Variants in USP50 observed in about 807,000 individuals in gnomAD.
USP50 encodes the protein ubiquitin specific peptidase 50, also known as ubiquitin carboxyl-terminal hydrolase 50.
In USP50, 37 loss-of-function variants were observed where a neutral mutation model predicts 39.2. The ratio of observed to expected loss-of-function variants is 0.94; its 90% confidence interval spans 0.73 to 1.24. The LOEUF (loss-of-function observed/expected upper bound fraction) is 1.24, where lower values mean the gene tolerates loss of function less well. Ranked by LOEUF, USP50 falls within the 50% of genes most tolerant of loss-of-function variation. The pLI is 0.00. For synonymous variants in USP50, 139 were observed against 144.5 expected (o/e 0.96, Z 0.27); for missense variants, 374 against 398.2 (o/e 0.94, Z 0.52).
chr15:50,509,720 T>G (rs2141350371), intron 6 of USP50: 1 of 152,124 alleles, frequency 6.6e-6, no homozygotes, highest in East Asian at 1.9e-4. Flanking sequence ...AAAAAACATG[T>G]AATAGCTACA....
intron 4 of USP50, among the ~76,000 whole-genome samples, chr15:50,540,440 T>G (rs1329834281): frequency 6.6e-6 from 1 of 152,214 alleles, no homozygotes; most frequent in Non-Finnish European, 1.5e-5. Context: ...TGCAAGAAAT[T>G]ATAAATTTCT....
Position 50,533,978 on chromosome 15 carries a change from C to T in USP50, c.804-4049G>A, listed in dbSNP as rs948949975. On this transcript the variant is annotated intron_variant, in intron 5 of 6. Coordinates refer to ENST00000532404, the MANE Select transcript of USP50 (RefSeq NM_203494.5). The stretch of plus-strand genomic sequence containing the variant: ...TCATGCCACTGCCCTCCAGGCTGGG[C>T]AACAGAGTGAGACTCCATCTCAAAA... Among the ~76,000 whole-genome samples the T allele has an allele frequency of 2.0e-5, 3 of 151,732 alleles. 1 individual carries two copies. The East Asian group carries it at 5.8e-4, about 29-fold the overall frequency.
At chr15:50,496,966 A>G, downstream of USP50, 1 of 1,264,690 alleles carries the variant, frequency 7.9e-7, no homozygotes, top group Non-Finnish European at 1.1e-6. Context: ...GAAGGCAGGA[A>G]CTCTTTTGTG....
intron 5 of USP50, among the ~76,000 whole-genome samples, chr15:50,538,504 G>A (rs1197297445): frequency 6.6e-6 from 1 of 151,998 alleles, no homozygotes; most frequent in African/African-American, 2.4e-5. Flanking sequence ...AATAATTAAT[G>A]TCAATGAATT....
At chr15:50,537,690 C>T (rs1038253688) in intron 5 of USP50, among the ~76,000 whole-genome samples, 1 of 150,198 alleles carries the variant, frequency 6.7e-6, no homozygotes, top group Non-Finnish European at 1.5e-5. Context: ...GAAAACCTGT[C>T]TCTACCAAAA....
chr15:50,538,827 G>A lies in USP50; in HGVS notation c.685C>T (p.Gln229Ter), dbSNP rs369191896. 5.6e-6 allele frequency: 9 copies of A among 1,608,750 alleles called. No individual in the cohort carries two copies. Among genetic ancestry groups the A allele is most frequent in the African/African-American group, 2.7e-5 (2 of 74,574 alleles). The change falls in exon 5 of 7, where the codon CAA (glutamine) becomes TAA (stop). Residue 229 changes from glutamine to a stop codon, truncating the protein, a stop_gained. Transcript: ENST00000532404. LOFTEE classifies it high-confidence loss of function. Reference protein sequence around the residue: ...LRDCLQCFFQQDALTWNNEIH... With the variant: ...LRDCLQCFFQ ...TCGTTGTTCCAGGTCAGTGCGTCTT[G>A]TTGAAAAAAACATTGGAGACAGTCC...
intron 6 of USP50, among the ~76,000 whole-genome samples, chr15:50,527,264 GCA>G (rs2052905606): frequency 6.6e-6 from 1 of 152,160 alleles, no homozygotes; most frequent in Non-Finnish European, 1.5e-5. Flanking sequence ...GAGTGCAGTG[GCA>G]CGATCTCAGC....
chr15:50,535,895 C>T (rs1211094076), intron 5 of USP50, among the ~76,000 whole-genome samples: 1 of 152,126 alleles, frequency 6.6e-6, no homozygotes, highest in Non-Finnish European at 1.5e-5. Context: ...ACAATCAAAT[C>T]AACAGACACA....
intron 1 of USP50, chr15:50,494,317 T>C: frequency 1.3e-6 from 2 of 1,553,244 alleles, no homozygotes; most frequent in African/African-American, 2.8e-5. Flanking sequence ...CAGAGACTCT[T>C]TAGGGTTGCT....
chr15:50,533,024 C>T (rs1227651058), intron 5 of USP50, among the ~76,000 whole-genome samples: 4 of 151,936 alleles, frequency 2.6e-5, no homozygotes, highest in East Asian at 1.9e-4. Context: ...AAAGACTGGC[C>T]GGTCAGGCGC....
intron 5 of USP50, among the ~76,000 whole-genome samples, chr15:50,537,537 A>G (rs2052989142): frequency 6.6e-6 from 1 of 151,650 alleles, no homozygotes; most frequent in African/African-American, 2.4e-5. Context: ...AAAAAGACAC[A>G]TCTGGTAAAG....
intron 3 of USP50, among the ~76,000 whole-genome samples, chr15:50,542,133 C>T (rs2053034623): frequency 6.6e-6 from 1 of 151,938 alleles, no homozygotes; most frequent in Non-Finnish European, 1.5e-5. Flanking sequence ...TTGGATCCAG[C>T]TCATACTCAG....
chr15:50,500,003 G>A (rs2052552289), downstream of USP50: 2 of 152,136 alleles, frequency 1.3e-5, no homozygotes, highest in Non-Finnish European at 2.9e-5. Flanking sequence ...TCTTTACAGA[G>A]TGATGTATTA....
chr15:50,500,977 A>G, intron 6 of USP50, 140 bp from the exon 7 acceptor site: 2 of 708,820 alleles, frequency 2.8e-6, no homozygotes, highest in Non-Finnish European at 4.8e-6. Context: ...TTGTTAAATC[A>G]TGCATATAGC....
intron 6 of USP50, among the ~76,000 whole-genome samples, chr15:50,518,230 T>TA (rs2052818700): frequency 6.6e-6 from 1 of 150,820 alleles, no homozygotes; most frequent in African/African-American, 2.4e-5. Flanking sequence ...TTTTTTTGTT[T>TA]TTTTTTTTGA....
chr15:50,538,839 A>G lies in USP50; in HGVS notation c.673T>C (p.Cys225Arg). Residue 225 changes from cysteine to arginine, a missense_variant, in exon 5 of 7, where the codon TGT becomes CGT. By Grantham distance (180) the Cys-to-Arg change is radical. Coordinates refer to ENST00000532404, the MANE Select transcript of USP50 (RefSeq NM_203494.5). ...GTCAGTGCGTCTTGTTGAAAAAAAC[A>G]TTGGAGACAGTCCTGTTAAGGAAAA... is the stretch of plus-strand genomic sequence containing the variant. ...YECSLRDCLQ[C>R]FFQQDALTWN... 1.9e-6 allele frequency: 3 copies of G among 1,609,666 alleles called. No homozygotes were observed. The highest frequency in any genetic ancestry group is 1.7e-6 in the Non-Finnish European group (2 of 1,178,470).
At chr15:50,534,999 G>C (rs989476383) in intron 5 of USP50, among the ~76,000 whole-genome samples, 5 of 152,038 alleles carry the variant, frequency 3.3e-5, no homozygotes, top group African/African-American at 1.2e-4. Flanking sequence ...AAACCAGCCA[G>C]GTGTGGTGGC....
chr15:50,525,778 T>C (rs1483879187), intron 6 of USP50, among the ~76,000 whole-genome samples: 2 of 138,188 alleles, frequency 1.4e-5, no homozygotes, highest in Non-Finnish European at 3.1e-5. Context: ...CATTAATGTA[T>C]AAAATTTTGA....
intron 5 of USP50, among the ~76,000 whole-genome samples, chr15:50,532,903 G>C (rs2052952032): frequency 6.6e-6 from 1 of 152,176 alleles, no homozygotes; most frequent in African/African-American, 2.4e-5. Flanking sequence ...CTTCTAACAT[G>C]TGAAGAATGC....
Sources: allele counts gnomAD v4.1 joint callset (sites outside exome capture counted in the v4.1 genomes callset), GRCh38; gene constraint gnomAD v4.1.1; transcripts MANE v1.5; gene names NCBI Gene and HGNC (gene_info 2026-07-23, HGNC 2026-07-21).